Variants in CHAF1B observed in about 807,000 individuals in gnomAD.
The protein encoded by CHAF1B is chromatin assembly factor 1 subunit B.
A neutral mutation model predicts 60.7 loss-of-function variants in CHAF1B; 10 were observed. The ratio of observed to expected loss-of-function variants is 0.16; its 90% CI spans 0.10 to 0.28. CHAF1B has a LOEUF of 0.28. CHAF1B is among the 10% of genes least tolerant of loss of function. CHAF1B has a pLI of 1.00. For missense variants in CHAF1B, 558 were observed against 708.4 expected (o/e 0.79, Z 2.41); for synonymous variants, 261 against 266.1 (o/e 0.98, Z 0.19).
chr21:36,387,976 G>T (rs188110644), intron 3 of CHAF1B, among the ~76,000 whole-genome samples: 2 of 151,486 alleles, frequency 1.3e-5, no homozygotes, highest in African/African-American at 4.9e-5. Flanking sequence ...CTGCCACCAC[G>T]CCCGGCTAGT....
chr21:36,385,738 C>T (rs180715182), intron 1 of CHAF1B, among the ~76,000 whole-genome samples: 1 of 152,072 alleles, frequency 6.6e-6, no homozygotes, highest in Non-Finnish European at 1.5e-5. Context: ...GAGGCTCCTC[C>T]CGGGGCGGGC....
intron 8 of CHAF1B, among the ~76,000 whole-genome samples, chr21:36,406,674 AT>A (rs1679342965): frequency 6.6e-6 from 1 of 152,192 alleles, no homozygotes; most frequent in African/African-American, 2.4e-5. Context: ...GAATGACTAA[AT>A]CTAGCTAATT....
intron 4 of CHAF1B, among the ~76,000 whole-genome samples, chr21:36,392,888 G>A (rs1439698597): frequency 7.2e-5 from 11 of 152,118 alleles, no homozygotes; most frequent in Admixed American, 2.6e-4. Context: ...TGTAGCGAGC[G>A]GAGACCACGC....
rs892927606 is a variant in CHAF1B, at chr21:36,388,075, G to A, written c.259+345G>A. 1.1e-4 allele frequency among the ~76,000 whole-genome samples: 17 copies of A among 151,930 alleles called. 1 individual carries two copies. The highest frequency in any genetic ancestry group is 5.9e-5 in the Non-Finnish European group (4 of 67,976). On this transcript the variant is annotated intron_variant, in intron 3 of 13. Transcript: ENST00000314103. ...TGACCTCAGGTGATCCACCTGCCTC[G>A]GCCTCCCAAAGTGTTGGGATTACAG... is the stretch of plus-strand genomic sequence containing the variant.
At chr21:36,387,485 T>C in intron 2 of CHAF1B, 113 bp from the exon 3 acceptor site, 3 of 1,372,300 alleles carry the variant, frequency 2.2e-6, no homozygotes, top group Non-Finnish European at 3.0e-6. Context: ...CCTCCTAAAC[T>C]GCTGGGATTA....
rs2086317324 is a variant in CHAF1B, at chr21:36,416,127, A to G, written c.1589-148A>G. 6.0e-6 allele frequency: 4 copies of G among 665,664 alleles called. No homozygotes were observed. In the Admixed American group the frequency reaches 9.0e-5, roughly 15 times the overall value. The allele number at this position is 665,664 out of a possible 1,614,324, so 41.2% of individuals were successfully genotyped here. On this transcript the variant is annotated intron_variant, in intron 13 of 13. Transcript: ENST00000314103. ...AGAGGCAAAATCGCCCCTGGTTGAG[A>G]GCCACTCTATAGAACTTCCATTATA...
chr21:36,403,986 C>T (rs192176202), intron 8 of CHAF1B, among the ~76,000 whole-genome samples: 3 of 152,000 alleles, frequency 2.0e-5, no homozygotes, highest in East Asian at 3.9e-4. Flanking sequence ...GGAACATGTG[C>T]GAATGACACT....
chr21:36,416,344 G>A lies in CHAF1B; in HGVS notation c.1658G>A (p.Gly553Asp), dbSNP rs752870978. 38 of 1,613,932 alleles carry A rather than the reference G, an allele frequency of 2.4e-5. No homozygotes were observed. The highest frequency in any genetic ancestry group is 3.1e-5 in the Non-Finnish European group (37 of 1,179,990). ...CCCAGACTCGATGAAAACAAAGGAG[G>A]CACGGAAAGTCTGGACCCTTGATGG... is the stretch of plus-strand genomic sequence containing the variant. ...KRPRLDENKG[G>D]TESLDP The change falls in exon 14 of 14, where the codon GGC becomes GAC. Residue 553 changes from glycine (G) to aspartate (D), a missense_variant. Physicochemically the swap from Gly to Asp is moderately conservative, Grantham distance 94. Transcript: ENST00000314103.
chr21:36,389,800 T>TGTGTGCGCGCGCGCGC, intron 3 of CHAF1B, among the ~76,000 whole-genome samples: 109 of 124,786 alleles, frequency 8.7e-4, no homozygotes, highest in African/African-American at 2.8e-3. Context: ...TGTGTGTGTG[T>TGTGTGCGCGCGCGCGC]GCGCGCGCAC....
chr21:36,400,452 CAA>C lies in CHAF1B; in HGVS notation c.663+848_663+849del, dbSNP rs2086178617. Among the ~76,000 whole-genome samples the C allele has an allele frequency of 2.6e-5, 4 of 151,936 alleles. No individual in the cohort carries two copies. In the South Asian group the frequency reaches 8.4e-4, roughly 32 times the overall value. On this transcript the variant is annotated intron_variant, in intron 7 of 13. Transcript: ENST00000314103. ...CACCATTGCACTCCAGCCTGGGTGA[CAA>C]GAGCGAAACTCAGTCTCAAAATAAA...
Position 36,402,760 on chromosome 21 carries a change from A to G in CHAF1B, c.666A>G (p.Ala222=). ...MLSGIGAEGE[A]RSYRMFHDDS... is the part of the protein sequence containing the mutation. ...AAAATAAATTTTGTGTGCGACAGGC[A>G]AGAAGCTACCGGATGTTTCACGACG... is the stretch of plus-strand genomic sequence containing the variant. Residue 222 remains alanine (A), a splice_region_variant and synonymous_variant, in exon 8 of 14, where the codon GCA becomes GCG. Coordinates refer to ENST00000314103, the MANE Select transcript of CHAF1B (RefSeq NM_005441.3). 1 of 1,612,408 alleles carries G rather than the reference A, an allele frequency of 6.2e-7. No homozygotes were observed. Among genetic ancestry groups the G allele is most frequent in the Non-Finnish European group, 8.5e-7 (1 of 1,179,168 alleles).
intron 10 of CHAF1B, 64 bp from the exon 11 acceptor site, chr21:36,411,399 C>T: frequency 1.3e-6 from 2 of 1,594,806 alleles, no homozygotes; most frequent in Non-Finnish European, 8.6e-7. Context: ...TAGGCGTGAG[C>T]CATTGCACCT....
At chr21:36,396,358 CAAAAAAAAAAAAAAA>C (rs777079304) in intron 5 of CHAF1B, among the ~76,000 whole-genome samples, 14 of 52,818 alleles carry the variant, frequency 2.7e-4, no homozygotes, top group Non-Finnish European at 4.9e-4. Context: ...CCAAAAACCT[CAAAAAAAAAAAAAAA>C]AAAAAAAAAA....
intron 6 of CHAF1B, chr21:36,398,259 G>GC (rs964554328): frequency 6.6e-6 from 1 of 152,024 alleles, no homozygotes; most frequent in African/African-American, 2.4e-5. Flanking sequence ...TTGCCATGTT[G>GC]CCCAGGCTGG....
At chr21:36,394,504 C>T (rs765861890) in intron 4 of CHAF1B, 43 bp from the exon 5 acceptor site, 2 of 1,375,922 alleles carry the variant, frequency 1.5e-6, no homozygotes, top group Admixed American at 1.7e-5. Flanking sequence ...GCTGCTATAC[C>T]TGGGGAGTAA....
At chr21:36,405,833 G>C (rs779054821) in intron 8 of CHAF1B, among the ~76,000 whole-genome samples, 1 of 152,050 alleles carries the variant, frequency 6.6e-6, no homozygotes, top group Non-Finnish European at 1.5e-5. Context: ...AAGATATGTC[G>C]TGTTCTAACA....
chr21:36,416,380 T>C lies in CHAF1B; in HGVS notation c.*14T>C, dbSNP rs2086319928. The C allele has an allele frequency of 6.2e-7, 1 of 1,609,680 alleles. No homozygotes were observed. Among genetic ancestry groups the C allele is most frequent in the Non-Finnish European group, 8.5e-7 (1 of 1,177,504 alleles). ...CTGGACCCTTGATGGGACCTCGGCT[T>C]CTGCTCGAAGCCTACCAGGCTCCCG... On this transcript the variant is annotated 3_prime_UTR_variant, in exon 14 of 14. Transcript: ENST00000314103.
intron 5 of CHAF1B, among the ~76,000 whole-genome samples, chr21:36,395,902 C>T (rs1340033275): frequency 6.6e-6 from 1 of 152,150 alleles, no homozygotes; most frequent in Non-Finnish European, 1.5e-5. Flanking sequence ...AGCACTGTGT[C>T]AGCCCAGTTC....
chr21:36,389,761 G>A (rs9754126), intron 3 of CHAF1B, among the ~76,000 whole-genome samples: 896 of 57,700 alleles, frequency 0.016, 16 homozygotes, highest in African/African-American at 0.074. Context: ...ATGAAGGGAT[G>A]TGTGTGTGTG....
Sources: gnomAD v4.1 joint callset for allele counts (sites outside exome capture counted in the v4.1 genomes callset) on GRCh38, gnomAD v4.1.1 for gene constraint, MANE v1.5 for transcripts, NCBI Gene and HGNC (gene_info 2026-07-23, HGNC 2026-07-21) for gene names.